DGKB: variants seen among roughly 807,000 people sequenced by gnomAD.
The protein encoded by DGKB is 90 kDa diacylglycerol kinase.
In DGKB, 67 loss-of-function variants were observed where a neutral mutation model predicts 114.3. The observed-to-expected ratio is 0.59, with a 90% CI of 0.48 to 0.72. The LOEUF (loss-of-function observed/expected upper bound fraction) is 0.72, where lower values mean the gene tolerates loss of function less well. DGKB is among the 30% of genes least tolerant of loss of function. The probability of loss-of-function intolerance (pLI) is 0.00; values close to 1 mark genes in which losing one functional copy is unlikely to be tolerated. For missense variants in DGKB, 907 were observed against 975.2 expected, an observed-to-expected ratio of 0.93 and a Z score of 0.93; for synonymous variants, 398 against 323.1, an observed-to-expected ratio of 1.23 and a Z score of -2.49.
intron 20 of DGKB, among the ~76,000 whole-genome samples, chr7:14,548,368 T>A (rs1347145001): frequency 6.6e-6 from 1 of 152,206 alleles, no homozygotes; most frequent in Non-Finnish European, 1.5e-5. Flanking sequence ...CAACAGTTAA[T>A]ACGGAGTGCC....
chr7:14,441,623 T>G (rs1461763258), intron 21 of DGKB, among the ~76,000 whole-genome samples: 1 of 152,124 alleles, frequency 6.6e-6, no homozygotes, highest in African/African-American at 2.4e-5. Context: ...CATTTAGATC[T>G]TGAATGCAGT....
chr7:14,657,411 G>A (rs557576954), intron 13 of DGKB, among the ~76,000 whole-genome samples: 104 of 151,912 alleles, frequency 6.8e-4, no homozygotes, highest in Non-Finnish European at 1.4e-3. Context: ...ATTATGAATT[G>A]ATCTATAATG....
At chr7:14,622,285 G>A (rs572671992) in intron 14 of DGKB, among the ~76,000 whole-genome samples, 8 of 151,892 alleles carry the variant, frequency 5.3e-5, no homozygotes, top group Admixed American at 4.6e-4. Context: ...TCACAACTTC[G>A]CCCTCATAGT....
At chr7:14,385,829 T>G (rs1162631643) in intron 21 of DGKB, among the ~76,000 whole-genome samples, 1 of 152,226 alleles carries the variant, frequency 6.6e-6, no homozygotes, top group Non-Finnish European at 1.5e-5. Context: ...TTTAAAGTAG[T>G]AGTGAGTACA....
chr7:14,620,961 T>G, intron 15 of DGKB, among the ~76,000 whole-genome samples: 1 of 151,726 alleles, frequency 6.6e-6, no homozygotes, highest in South Asian at 2.1e-4. Context: ...AAAAATGCAT[T>G]CAGAGTTCAT....
At chr7:14,559,118 T>A (rs867739122) in intron 20 of DGKB, among the ~76,000 whole-genome samples, 1 of 152,212 alleles carries the variant, frequency 6.6e-6, no homozygotes, top group South Asian at 2.1e-4. Flanking sequence ...TCCAACATAA[T>A]GGTGACTTTT....
upstream of DGKB, among the ~76,000 whole-genome samples, chr7:14,906,332 C>T (rs768572955): frequency 2.6e-5 from 4 of 151,892 alleles, no homozygotes; most frequent in Non-Finnish European, 4.4e-5. Context: ...TTTCATCACT[C>T]TTAATAAATT....
At chr7:14,588,540 T>C (rs541034041) in intron 17 of DGKB, among the ~76,000 whole-genome samples, 1 of 152,182 alleles carries the variant, frequency 6.6e-6, no homozygotes, top group East Asian at 1.9e-4. Flanking sequence ...CTCCCCACTT[T>C]CTCCCATCTC....
At position 14,852,487 on chromosome 7, in the gene DGKB, C is replaced by CAAAAA; in HGVS notation, c.-187-11042_-187-11038dup. 2.0e-4 allele frequency among the ~76,000 whole-genome samples: 13 copies of CAAAAA among 63,618 alleles called. 1 individual carries two copies. Among genetic ancestry groups the CAAAAA allele is most frequent in the East Asian group, 1.0e-3 (2 of 2,000 alleles). The allele number at this position is 63,618 out of a possible 152,430, so 41.7% of individuals were successfully genotyped here. ...GAGGAATAGCTAAAATAGTGAAAGT[C>CAAAAA]AAAAAAAAAACAGAAATCAAGCATA... On this transcript the variant is annotated intron_variant, in intron 1 of 25. Coordinates refer to ENST00000402815, the MANE Select transcript of DGKB (RefSeq NM_001350709.2).
At chr7:14,639,335 A>C in intron 13 of DGKB, among the ~76,000 whole-genome samples, 1 of 152,248 alleles carries the variant, frequency 6.6e-6, no homozygotes, top group East Asian at 1.9e-4. Flanking sequence ...GATGAGTGTT[A>C]GAGGCTATCA....
chr7:14,263,701 T>G (rs1241464781), intron 23 of DGKB, among the ~76,000 whole-genome samples: 2 of 152,206 alleles, frequency 1.3e-5, no homozygotes, highest in African/African-American at 4.8e-5. Context: ...CATTGTAGAT[T>G]CATAAAGTTA....
At chr7:14,759,784 T>C (rs1173804587) in intron 2 of DGKB, among the ~76,000 whole-genome samples, 1 of 152,158 alleles carries the variant, frequency 6.6e-6, no homozygotes, top group Non-Finnish European at 1.5e-5. Context: ...GATAGTAAAA[T>C]TGCCAGATCA....
At chr7:14,867,585 C>G (rs1249232727) in intron 1 of DGKB, among the ~76,000 whole-genome samples, 1 of 151,936 alleles carries the variant, frequency 6.6e-6, no homozygotes, top group Non-Finnish European at 1.5e-5. Context: ...TTTTTTCAAC[C>G]TCATTTGCTG....
At chr7:14,449,672 A>G (rs1390014832) in intron 21 of DGKB, among the ~76,000 whole-genome samples, 2 of 152,098 alleles carry the variant, frequency 1.3e-5, no homozygotes, top group East Asian at 1.9e-4. Context: ...TATAAAATCC[A>G]TAAGACAAGA....
chr7:14,426,821 A>C (rs889452455), intron 21 of DGKB, among the ~76,000 whole-genome samples: 5 of 152,030 alleles, frequency 3.3e-5, no homozygotes, highest in Admixed American at 2.6e-4. Context: ...TTGGGAGGCC[A>C]AGGCAGGTGG....
At chr7:14,718,853 G>A (rs537937071) in intron 5 of DGKB, 168 bp from the exon 6 acceptor site, 18 of 549,494 alleles carry the variant, frequency 3.3e-5, no homozygotes, top group South Asian at 1.5e-4. Context: ...CATAGCCTAC[G>A]ACTGTTGTAG....
intron 17 of DGKB, among the ~76,000 whole-genome samples, chr7:14,597,451 C>A (rs111524911): frequency 6.6e-6 from 1 of 152,030 alleles, no homozygotes; most frequent in Admixed American, 6.6e-5. Context: ...TAATTTGTAT[C>A]AATTTTATCA....
intron 22 of DGKB, among the ~76,000 whole-genome samples, chr7:14,341,781 T>C (rs908072599): frequency 7.2e-5 from 11 of 152,020 alleles, no homozygotes; most frequent in African/African-American, 2.6e-4. Flanking sequence ...AAGCTTTATA[T>C]GTGACTTTAG....
At chr7:14,685,838 G>A (rs960358529) in intron 9 of DGKB, among the ~76,000 whole-genome samples, 3 of 152,116 alleles carry the variant, frequency 2.0e-5, no homozygotes, top group Admixed American at 1.3e-4. Context: ...GGTCATGTAA[G>A]GTGGCAGAGG....
Sources: gnomAD v4.1 joint callset for allele counts (sites outside exome capture counted in the v4.1 genomes callset) on GRCh38, gnomAD v4.1.1 for gene constraint, MANE v1.5 for transcripts, NCBI Gene and HGNC (gene_info 2026-07-23, HGNC 2026-07-21) for gene names.